The following TECTA variants were observed in gnomAD, a reference collection of about 807,000 sequenced individuals.
TECTA encodes the protein alpha-tectorin.
TECTA carries 128 observed loss-of-function variants against 216.8 expected under a neutral mutation model. The observed-to-expected ratio is 0.59, with a 90% CI of 0.51 to 0.68. The LOEUF is 0.68. Among genes scored for constraint, TECTA ranks in the 30% least tolerant of loss-of-function variants. The probability of loss-of-function intolerance (pLI) is 0.00; values close to 1 mark genes in which losing one functional copy is unlikely to be tolerated. For synonymous variants in TECTA, 1,089 were observed against 1,117.1 expected, an observed-to-expected ratio of 0.97 and a Z score of 0.50; for missense variants, 2,551 against 2,786.2, an observed-to-expected ratio of 0.92 and a Z score of 1.90.
intron 12 of TECTA, among the ~76,000 whole-genome samples, chr11:121,148,202 A>G (rs187421261): frequency 6.6e-6 from 1 of 152,192 alleles, no homozygotes; most frequent in African/African-American, 2.4e-5. Context: ...CTCAGGTCCT[A>G]TCCCTTGACT....
At chr11:121,102,591 A>C in intron 1 of TECTA, 74 bp from the exon 2 acceptor site, 2 of 1,159,796 alleles carry the variant, frequency 1.7e-6, no homozygotes. Context: ...GGGATTAGCC[A>C]CTAAACACAC....
rs147404112 is a variant in TECTA at position 121,128,023 on chromosome 11, C to A, written c.2046C>A (p.Asp682Glu). 6.2e-7 allele frequency: 1 copy of A among 1,613,442 alleles called. No individual in the cohort carries two copies. The highest frequency in any genetic ancestry group is 1.1e-5 in the South Asian group (1 of 91,078). Residue 682 changes from aspartate to glutamate, a missense_variant, in exon 9 of 24, where the codon GAC becomes GAA. Asp to Glu is a conservative substitution (Grantham distance 45, BLOSUM62 2). Transcript: ENST00000392793. ...AATGCCTGTGCGAGGAGGGCGGGGACGTCTACTGCTTCAACAAGACCTGCG... is the reference window on the plus strand; with the variant it reads ...AATGCCTGTGCGAGGAGGGCGGGGAAGTCTACTGCTTCAACAAGACCTGCG... ...TVQCLCEEGGDVYCFNKTCGS... is the reference protein window; with the variant it reads ...TVQCLCEEGGEVYCFNKTCGS...
intron 11 of TECTA, among the ~76,000 whole-genome samples, chr11:121,143,989 C>T (rs1320695125): frequency 6.6e-6 from 1 of 152,158 alleles, no homozygotes; most frequent in Non-Finnish European, 1.5e-5. Context: ...CCCATGGGGC[C>T]AAGGCCAGCT....
chr11:121,130,815 A>G (rs1000927801), intron 10 of TECTA, among the ~76,000 whole-genome samples: 42 of 152,244 alleles, frequency 2.8e-4, no homozygotes, highest in African/African-American at 9.6e-4. Context: ...ACATGGCAGA[A>G]AGCAGGACTC....
chr11:121,144,790 G>A (rs1437366917), intron 11 of TECTA, among the ~76,000 whole-genome samples: 1 of 152,170 alleles, frequency 6.6e-6, no homozygotes, highest in Non-Finnish European at 1.5e-5. Flanking sequence ...TGGGCATAAA[G>A]ATCAATAAAA....
chr11:121,165,758 A>C (rs1395803903), intron 17 of TECTA, among the ~76,000 whole-genome samples: 2 of 152,198 alleles, frequency 1.3e-5, no homozygotes, highest in Non-Finnish European at 2.9e-5. Flanking sequence ...TTGGTCCTGA[A>C]GATATATACA....
chr11:121,127,660 T>G lies in TECTA; in HGVS notation c.1775-92T>G. On this transcript the variant is annotated intron_variant, in intron 8 of 23. Transcript: ENST00000392793. This position sits in a 1 kb window ranked among gnomAD's most constrained non-coding sequence, Gnocchi z 5.0. ...GCCGCTTGACCCTCACTCTAGGAACTAAATGATCCAGGAGGAGCGTTAAGA... is the reference window on the plus strand; with the variant it reads ...GCCGCTTGACCCTCACTCTAGGAACGAAATGATCCAGGAGGAGCGTTAAGA... 6.8e-7 allele frequency: 1 copy of G among 1,470,250 alleles called. No homozygotes were observed. The highest frequency in any genetic ancestry group is 9.5e-7 in the Non-Finnish European group (1 of 1,050,820). The allele number at this position is 1,470,250 out of a possible 1,614,324, so 91.1% of individuals were successfully genotyped here.
At chr11:121,150,219 T>C (rs1946876467) in intron 12 of TECTA, among the ~76,000 whole-genome samples, 1 of 152,206 alleles carries the variant, frequency 6.6e-6, no homozygotes, top group African/African-American at 2.4e-5. Context: ...AAAGAGAAAT[T>C]AGCGTATGGT....
Position 121,168,796 on chromosome 11 carries a change from A to G in TECTA, c.5870A>G (p.Asp1957Gly). 2 of 1,614,180 alleles carry G rather than the reference A, an allele frequency of 1.2e-6. No homozygotes were observed. Among genetic ancestry groups the G allele is most frequent in the Non-Finnish European group, 1.7e-6 (2 of 1,180,024 alleles). ...RQGEVVLTTRDVLYVGVFVVG... is the reference protein window; with the variant it reads ...RQGEVVLTTRGVLYVGVFVVG... ...GGTGAAGTAGTGTTGACGACTCGAG[A>G]TGTGCTGTATGTAGGGGTTTTTGTG... The change falls in exon 20 of 24, where the codon GAT (aspartate) becomes GGT (glycine). Residue 1957 changes from aspartate to glycine, a missense_variant. Physicochemically the swap from Asp to Gly is moderately conservative, Grantham distance 94. Around this residue, in one of 3 missense-constraint regions of TECTA, gnomAD observed 2,375 missense variants for 2,563.9 expected, o/e 0.93. Transcript: ENST00000392793.
In TECTA at chr11:121,113,529, T is replaced by A. The variant is rs757236379; in HGVS notation, c.625-24T>A. On this transcript the variant is annotated intron_variant, in intron 5 of 23. Transcript: ENST00000392793. This position sits in a 1 kb window ranked among gnomAD's most constrained non-coding sequence, Gnocchi z 4.2. ...CATGGGGAATTTTTGTACTCAAAAA[T>A]CTTGTCTTCCTTTTGTGCTGCAGGC... 6.2e-7 allele frequency: 1 copy of A among 1,614,056 alleles called. No individual in the cohort carries two copies.
Position 121,118,651 on chromosome 11 carries a change from A to G in TECTA, c.1136A>G (p.Lys379Arg). 1 of 1,614,082 alleles carries G rather than the reference A, an allele frequency of 6.2e-7. No individual in the cohort carries two copies. Among genetic ancestry groups the G allele is most frequent in the Non-Finnish European group, 8.5e-7 (1 of 1,180,026 alleles). ...HRRGSAVSWV[K>R]ELSVEVNGYK... ...AGAGGTTCAGCCGTCTCCTGGGTGA[A>G]GGAGCTCTCAGTGGAGGTGAATGGC... Residue 379 changes from lysine (K) to arginine (R), a missense_variant, in exon 7 of 24, where the codon AAG becomes AGG. This residue lies in a region of TECTA where 2,375 missense variants were observed against 2,563.9 expected (regional missense o/e 0.93). Transcript: ENST00000392793.
intron 3 of TECTA, among the ~76,000 whole-genome samples, chr11:121,106,214 T>C (rs1296400361): frequency 6.6e-6 from 1 of 152,126 alleles, no homozygotes; most frequent in Non-Finnish European, 1.5e-5. Context: ...TGATTAAACA[T>C]AGAAGTGAAG....
intron 12 of TECTA, 50 bp downstream of exon 12, chr11:121,146,166 G>A (rs1210468890): frequency 2.5e-6 from 4 of 1,592,938 alleles, no homozygotes; most frequent in South Asian, 1.1e-5. Flanking sequence ...TTTCTTGATT[G>A]CTCTGGGAAG....
chr11:121,164,688 T>A (rs1418897906), intron 16 of TECTA, among the ~76,000 whole-genome samples: 1 of 152,138 alleles, frequency 6.6e-6, no homozygotes, highest in African/African-American at 2.4e-5. Flanking sequence ...TGTCTCTTTT[T>A]ACAAAATCAA....
chr11:121,137,059 C>T (rs1334847631), intron 10 of TECTA, among the ~76,000 whole-genome samples: 1 of 152,198 alleles, frequency 6.6e-6, no homozygotes, highest in East Asian at 1.9e-4. Flanking sequence ...GACTACAGCT[C>T]ACTGTACTGT....
At position 121,145,409 on chromosome 11, in the gene TECTA, A is replaced by G; in HGVS notation, c.3544-146A>G. 1.9e-5 allele frequency: 15 copies of G among 796,828 alleles called. No individual in the cohort carries two copies. In the South Asian group the frequency reaches 2.3e-4, roughly 12 times the overall value. 49.4% of individuals were successfully genotyped at this position (796,828 alleles called of 1,614,324 possible). Reference sequence around the variant, plus strand: ...AAATCTTAATCATAATAGTTGACTGACATAAACAACAGTACATGCAAAGAC... The same window carrying G: ...AAATCTTAATCATAATAGTTGACTGGCATAAACAACAGTACATGCAAAGAC... On this transcript the variant is annotated intron_variant, in intron 11 of 23. Transcript: ENST00000392793.
chr11:121,165,135 GC>G, intron 16 of TECTA, 137 bp from the exon 17 acceptor site: 1 of 806,204 alleles, frequency 1.2e-6, no homozygotes, highest in East Asian at 2.7e-5. Context: ...CTGGAAGGTT[GC>G]CCTGTCTGTT....
rs529712292 is a variant in TECTA at position 121,149,292 on chromosome 11, G to A, written c.4105+3176G>A. Reference sequence around the variant, plus strand: ...CATGTGGTCAAAGTTGGTTGTCATCGTCATTTTCCCTTTTATTGGAGGCAG... The same window carrying A: ...CATGTGGTCAAAGTTGGTTGTCATCATCATTTTCCCTTTTATTGGAGGCAG... On this transcript the variant is annotated intron_variant, in intron 12 of 23. Coordinates refer to ENST00000392793, the MANE Select transcript of TECTA (RefSeq NM_005422.4). 1.2e-3 allele frequency among the ~76,000 whole-genome samples: 183 copies of A among 152,310 alleles called. 1 individual carries two copies. Among genetic ancestry groups the A allele is most frequent in the Non-Finnish European group, 8.1e-4 (55 of 68,026 alleles).
chr11:121,139,727 C>T lies in TECTA; in HGVS notation c.3543+1705C>T, dbSNP rs150225608. 7.0e-4 allele frequency among the ~76,000 whole-genome samples: 107 copies of T among 151,954 alleles called. No homozygotes were observed. The Middle Eastern group carries it at 0.037, about 53-fold the overall frequency. ...ATAATGAATGAAATGATACAAATAA[C>T]CGCTTTCTTCCAGGGTTCCCATGAT... On this transcript the variant is annotated intron_variant, in intron 11 of 23. Coordinates refer to ENST00000392793, the MANE Select transcript of TECTA (RefSeq NM_005422.4).
Sources: gnomAD v4.1 joint callset for allele counts (sites outside exome capture counted in the v4.1 genomes callset) on GRCh38, gnomAD v4.1.1 for gene constraint, gnomAD v4.1.1 regional missense constraint, Gnocchi (gnomAD v3.1) non-coding constraint, MANE v1.5 for transcripts, NCBI Gene and HGNC (gene_info 2026-07-23, HGNC 2026-07-21) for gene names.